The following ASB18 variants were observed in gnomAD, a reference collection of about 807,000 sequenced individuals.
The protein encoded by ASB18 is ankyrin repeat and SOCS box containing 18.
Under a neutral mutation model 33.4 loss-of-function variants are expected in ASB18, and 33 were observed. The ratio of observed to expected loss-of-function variants is 0.99; its 90% CI spans 0.75 to 1.32. The LOEUF is 1.32. ASB18 is among the 40% of genes most tolerant of loss of function. ASB18 has a pLI of 0.00. For synonymous variants in ASB18, 295 were observed against 307.6 expected, an observed-to-expected ratio of 0.96 and a Z score of 0.43; for missense variants, 694 against 655.5, an observed-to-expected ratio of 1.06 and a Z score of -0.64.
At position 236,223,489 on chromosome 2, in the gene ASB18, A is replaced by C. The variant is rs887609373; in HGVS notation, c.597-8623T>G. ...TAGGGGTGAGGTGGGGGGAGCTTTA[A>C]ACTGGATGAGAGAAACATTGTATGC... On this transcript the variant is annotated intron_variant, in intron 3 of 5. Transcript: ENST00000409749. This position sits in a 1 kb window ranked among gnomAD's most constrained non-coding sequence, Gnocchi z 4.6. 1.2e-4 allele frequency among the ~76,000 whole-genome samples: 19 copies of C among 152,314 alleles called. No individual in the cohort carries two copies. The highest frequency in any genetic ancestry group is 3.4e-3 in the Middle Eastern group (1 of 294).
rs2060633698 is a variant in ASB18 at position 236,244,046 on chromosome 2, C to T, written c.206-2644G>A. 6.6e-6 allele frequency among the ~76,000 whole-genome samples: 1 copy of T among 152,198 alleles called. No homozygotes were observed. Among genetic ancestry groups the T allele is most frequent in the Admixed American group, 6.5e-5 (1 of 15,284 alleles). ...TTCACCTTGTTGGCTAGGCTGGTCT[C>T]AAACTCCTGACCTCAGGTGATCTGC... On this transcript the variant is annotated intron_variant, in intron 1 of 5. Transcript: ENST00000409749. The surrounding 1 kb of genome is among the most constrained non-coding windows in gnomAD (Gnocchi z 6.1).
intron 1 of ASB18, among the ~76,000 whole-genome samples, chr2:236,242,332 T>C (rs2060624743): frequency 6.6e-6 from 1 of 152,064 alleles, no homozygotes; most frequent in Non-Finnish European, 1.5e-5. Context: ...CTGCCCAGGA[T>C]TTAGTCTTTC....
At chr2:236,224,571 T>G (rs1438409006) in intron 3 of ASB18, among the ~76,000 whole-genome samples, 5 of 152,164 alleles carry the variant, frequency 3.3e-5, no homozygotes, top group African/African-American at 4.8e-5. Context: ...AAAACTTCAG[T>G]TAACAAAGGA....
At position 236,239,074 on chromosome 2, in the gene ASB18, G is replaced by A. The variant is rs932604235; in HGVS notation, c.329-1118C>T. ...GGTGGCCAGAGGCCCCAGGGACATGGACCTGCATGGGTTTGAGCTGCCCTT... is the reference window on the plus strand; with the variant it reads ...GGTGGCCAGAGGCCCCAGGGACATGAACCTGCATGGGTTTGAGCTGCCCTT... On this transcript the variant is annotated intron_variant, in intron 2 of 5. Transcript: ENST00000409749. The surrounding 1 kb of genome is among the most constrained non-coding windows in gnomAD (Gnocchi z 5.6). Among the ~76,000 whole-genome samples, 1 of 152,174 alleles carries A rather than the reference G, an allele frequency of 6.6e-6. No individual in the cohort carries two copies. The highest frequency in any genetic ancestry group is 2.4e-5 in the African/African-American group (1 of 41,446).
At position 236,214,143 on chromosome 2, in the gene ASB18, G is replaced by A. The variant is rs2060472058; in HGVS notation, c.1101+219C>T. ...CTTCTAGGCCCCTGTTCCTCAAAAT[G>A]GGGTCCCAGGAACAGCAGTCTAGGC... On this transcript the variant is annotated intron_variant, in intron 4 of 5. Coordinates refer to ENST00000409749, the MANE Select transcript of ASB18 (RefSeq NM_212556.4). This position sits in a 1 kb window ranked among gnomAD's most constrained non-coding sequence, Gnocchi z 6.5. 2 of 552,552 alleles carry A rather than the reference G, an allele frequency of 3.6e-6. No homozygotes were observed. Among genetic ancestry groups the A allele is most frequent in the Admixed American group, 3.6e-5 (1 of 27,754 alleles). 34.2% of individuals were successfully genotyped at this position (552,552 alleles called of 1,614,324 possible). A position where few individuals can be genotyped will look rare whatever the true frequency, so the allele number is the denominator to read the frequency against.
Position 236,229,445 on chromosome 2 carries a change from A to G in ASB18, c.596+8244T>C, listed in dbSNP as rs13399791. On this transcript the variant is annotated intron_variant, in intron 3 of 5. Transcript: ENST00000409749. This position sits in a 1 kb window ranked among gnomAD's most constrained non-coding sequence, Gnocchi z 5.2. ...CTGAAGGAGAGTACTGGTTGTATAGAAAAAAAATGTGAAGAAATAATTGCC... is the reference window on the plus strand; with the variant it reads ...CTGAAGGAGAGTACTGGTTGTATAGGAAAAAAATGTGAAGAAATAATTGCC... 0.21 allele frequency among the ~76,000 whole-genome samples: 31,987 copies of G among 151,862 alleles called. 4,184 individuals are homozygous for G. The highest frequency in any genetic ancestry group is 0.37 in the African/African-American group (15,298 of 41,386).
Position 236,255,957 on chromosome 2 carries a change from A to G in ASB18, c.205+8184T>C, listed in dbSNP as rs1400192236. On this transcript the variant is annotated intron_variant, in intron 1 of 5. Coordinates refer to ENST00000409749, the MANE Select transcript of ASB18 (RefSeq NM_212556.4). This position sits in a 1 kb window ranked among gnomAD's most constrained non-coding sequence, Gnocchi z 4.4. ...GCTCCTGTTTCGAGGGTCAAGTCAG[A>G]GGATTTCTACAGTGTTCTCCCTGTG... is the stretch of plus-strand genomic sequence containing the variant. Among the ~76,000 whole-genome samples the G allele has an allele frequency of 2.6e-5, 4 of 152,144 alleles. No individual in the cohort carries two copies. The highest frequency in any genetic ancestry group is 9.7e-5 in the African/African-American group (4 of 41,436).
In ASB18 at chr2:236,253,769, TCA is replaced by T. The variant is rs2060679714; in HGVS notation, c.205+10370_205+10371del. The T allele has an allele frequency of 6.6e-6, 1 of 152,178 alleles. No homozygotes were observed. The highest frequency in any genetic ancestry group is 2.1e-4 in the South Asian group (1 of 4,828). The allele number at this position is 152,178 out of a possible 1,614,324, so 9.4% of individuals were successfully genotyped here. A position where few individuals can be genotyped will look rare whatever the true frequency, so the allele number is the denominator to read the frequency against. On this transcript the variant is annotated intron_variant, in intron 1 of 5. Coordinates refer to ENST00000409749, the MANE Select transcript of ASB18 (RefSeq NM_212556.4). This position sits in a 1 kb window ranked among gnomAD's most constrained non-coding sequence, Gnocchi z 5.4. ...CGACAGGTAATTACAAGTCTGCAAA[TCA>T]CACACATGGATGTTAGGTTAAAATT...
chr2:236,242,847 C>T (rs1163849955), intron 1 of ASB18, among the ~76,000 whole-genome samples: 1 of 136,468 alleles, frequency 7.3e-6, no homozygotes. Context: ...CAAGGGTCCC[C>T]CCATCTCTAC....
Position 236,194,980 on chromosome 2 carries a change from A to G in ASB18, c.1293T>C (p.Ala431=), listed in dbSNP as rs10166966. The part of the protein sequence containing the change: ...PRCLQHLCRC[A]LRRLFGKRCF... Reference sequence around the variant, plus strand: ...ACCTTTTGCCAAACAGTCTGCGAAGAGCACAGCGGCAAAGATGCTGCAGGC... The same window carrying G: ...ACCTTTTGCCAAACAGTCTGCGAAGGGCACAGCGGCAAAGATGCTGCAGGC... Residue 431 remains alanine, a synonymous_variant, in exon 6 of 6, where the codon GCT becomes GCC. Transcript: ENST00000409749. The surrounding 1 kb of genome is among the most constrained non-coding windows in gnomAD (Gnocchi z 4.5). 0.12 allele frequency: 196,882 copies of G among 1,613,452 alleles called. 12,912 individuals are homozygous for G. Among genetic ancestry groups the G allele is most frequent in the African/African-American group, 0.18 (13,870 of 74,980 alleles).
rs1049168383 is a variant in ASB18 at position 236,231,030 on chromosome 2, G to A, written c.596+6659C>T. ...AAATGAAAGGATGGTATGGTAGGCA[G>A]TATCTAGCATGGTCCCCCACTGAAG... On this transcript the variant is annotated intron_variant, in intron 3 of 5. Coordinates refer to ENST00000409749, the MANE Select transcript of ASB18 (RefSeq NM_212556.4). This position sits in a 1 kb window ranked among gnomAD's most constrained non-coding sequence, Gnocchi z 5.5. Among the ~76,000 whole-genome samples the A allele has an allele frequency of 6.6e-6, 1 of 152,144 alleles. No individual in the cohort carries two copies. Among genetic ancestry groups the A allele is most frequent in the Non-Finnish European group, 1.5e-5 (1 of 68,036 alleles).
Position 236,256,402 on chromosome 2 carries a change from G to T in ASB18, c.205+7739C>A, listed in dbSNP as rs558990955. On this transcript the variant is annotated intron_variant, in intron 1 of 5. Transcript: ENST00000409749. This position sits in a 1 kb window ranked among gnomAD's most constrained non-coding sequence, Gnocchi z 4.7. The stretch of plus-strand genomic sequence containing the variant: ...AAACCTAGTCCCTGTCCAATATCCA[G>T]GTGCAGAGGTTGGCATTAAAAGATA... Among the ~76,000 whole-genome samples the T allele has an allele frequency of 6.6e-6, 1 of 152,286 alleles. No individual in the cohort carries two copies. Among genetic ancestry groups the T allele is most frequent in the East Asian group, 1.9e-4 (1 of 5,174 alleles).
In ASB18 at chr2:236,200,849, A is replaced by G. The variant is rs539355669; in HGVS notation, c.1102-4464T>C. On this transcript the variant is annotated intron_variant, in intron 4 of 5. Transcript: ENST00000409749. The surrounding 1 kb of genome is among the most constrained non-coding windows in gnomAD (Gnocchi z 4.2). Reference sequence around the variant, plus strand: ...TTCCATTTTACTCCTTTTTTCAAGAAATCAGCTATTGGATTTTGTTGATCA... The same window carrying G: ...TTCCATTTTACTCCTTTTTTCAAGAGATCAGCTATTGGATTTTGTTGATCA... Among the ~76,000 whole-genome samples, 2 of 152,228 alleles carry G rather than the reference A, an allele frequency of 1.3e-5. No individual in the cohort carries two copies. The highest frequency in any genetic ancestry group is 2.9e-5 in the Non-Finnish European group (2 of 68,018).
At chr2:236,198,131 C>T (rs1559325822) in intron 4 of ASB18, among the ~76,000 whole-genome samples, 3 of 152,258 alleles carry the variant, frequency 2.0e-5, no homozygotes, top group Admixed American at 6.5e-5. Flanking sequence ...ACTTGCCTCC[C>T]TTCTCCACAG....
rs2060504658 is a variant in ASB18, at chr2:236,220,202, G to A, written c.597-5336C>T. ...GGATGTGGGACTTTGGCCACTCCCT[G>A]CACACCCTCCCATCCACCCTCCAGC... On this transcript the variant is annotated intron_variant, in intron 3 of 5. Transcript: ENST00000409749. The surrounding 1 kb of genome is among the most constrained non-coding windows in gnomAD (Gnocchi z 5.1). 6.6e-6 allele frequency among the ~76,000 whole-genome samples: 1 copy of A among 152,178 alleles called. No individual in the cohort carries two copies. Among genetic ancestry groups the A allele is most frequent in the Non-Finnish European group, 1.5e-5 (1 of 68,016 alleles).
rs1312883257 is a variant in ASB18, at chr2:236,215,808, C to A, written c.597-942G>T. On this transcript the variant is annotated intron_variant, in intron 3 of 5. Coordinates refer to ENST00000409749, the MANE Select transcript of ASB18 (RefSeq NM_212556.4). The surrounding 1 kb of genome is among the most constrained non-coding windows in gnomAD (Gnocchi z 7.2). ...ACAAGCCCACCCCCAACTTCAGCCA[C>A]CTGCTCCCATAGTCACCTGCCATCG... Among the ~76,000 whole-genome samples the A allele has an allele frequency of 1.3e-5, 2 of 152,178 alleles. No homozygotes were observed. Among genetic ancestry groups the A allele is most frequent in the African/African-American group, 4.8e-5 (2 of 41,446 alleles).
Position 236,260,860 on chromosome 2 carries a change from C to A in ASB18, c.205+3281G>T, listed in dbSNP as rs538280245. On this transcript the variant is annotated intron_variant, in intron 1 of 5. Coordinates refer to ENST00000409749, the MANE Select transcript of ASB18 (RefSeq NM_212556.4). The surrounding 1 kb of genome is among the most constrained non-coding windows in gnomAD (Gnocchi z 5.1). ...GCCAGTCTCTGAGGGGAGGCCCCAG[C>A]AGAAAGCAGTTCCCAAGCTCATCCC... Among the ~76,000 whole-genome samples the A allele has an allele frequency of 6.6e-6, 1 of 152,282 alleles. No individual in the cohort carries two copies. The highest frequency in any genetic ancestry group is 1.9e-4 in the East Asian group (1 of 5,178).
At chr2:236,202,270 T>G (rs959829144) in intron 4 of ASB18, among the ~76,000 whole-genome samples, 6 of 151,994 alleles carry the variant, frequency 3.9e-5, no homozygotes, top group Non-Finnish European at 7.4e-5. Flanking sequence ...AATTTTAACC[T>G]TTTGTTTCAC....
intron 3 of ASB18, among the ~76,000 whole-genome samples, chr2:236,227,348 C>T (rs1301119290): frequency 1.3e-5 from 2 of 152,110 alleles, no homozygotes. Context: ...GTTTCAATTC[C>T]TATAAAAGAA....
Sources: gnomAD v4.1 joint callset for allele counts (sites outside exome capture counted in the v4.1 genomes callset) on GRCh38, gnomAD v4.1.1 for gene constraint, Gnocchi (gnomAD v3.1) non-coding constraint, MANE v1.5 for transcripts, NCBI Gene and HGNC (gene_info 2026-07-23, HGNC 2026-07-21) for gene names.